The following CNTN5 variants were observed in gnomAD, a reference collection of about 807,000 sequenced individuals.
The protein encoded by CNTN5 is contactin-5.
A neutral mutation model predicts 129.1 loss-of-function variants in CNTN5; 77 were observed. The ratio of observed to expected loss-of-function variants is 0.60; its 90% CI spans 0.50 to 0.72. CNTN5 has a LOEUF of 0.72. Among genes scored for constraint, CNTN5 ranks in the 30% least tolerant of loss-of-function variants. The pLI, the probability that CNTN5 is intolerant of heterozygous loss-of-function variation, is 0.00. For missense variants in CNTN5, 1,478 were observed against 1,328.8 expected (o/e 1.11, Z -1.75); for synonymous variants, 509 against 465.6 (o/e 1.09, Z -1.20).
At chr11:99,585,068 C>G (rs965708917) in intron 3 of CNTN5, among the ~76,000 whole-genome samples, 2 of 152,200 alleles carry the variant, frequency 1.3e-5, no homozygotes, top group African/African-American at 2.4e-5. Context: ...TTGTGCAATT[C>G]AGTGGACACA....
At chr11:99,066,658 T>G (rs1228044162) in intron 1 of CNTN5, among the ~76,000 whole-genome samples, 3 of 152,128 alleles carry the variant, frequency 2.0e-5, no homozygotes, top group Admixed American at 2.0e-4. Flanking sequence ...AAGCCATGTA[T>G]GTAAAGTAAA....
At chr11:100,295,432 G>A (rs956563689) in intron 18 of CNTN5, among the ~76,000 whole-genome samples, 1 of 150,812 alleles carries the variant, frequency 6.6e-6, no homozygotes, top group Non-Finnish European at 1.5e-5. Context: ...TCCCCAAAAT[G>A]TTCACTTGTT....
intron 13 of CNTN5, among the ~76,000 whole-genome samples, chr11:100,162,097 C>T (rs1167884557): frequency 6.6e-6 from 1 of 151,770 alleles, no homozygotes; most frequent in Non-Finnish European, 1.5e-5. Flanking sequence ...GATCCAGACT[C>T]CTTGGACTCT....
At chr11:100,084,331 G>A (rs568031585) in intron 13 of CNTN5, among the ~76,000 whole-genome samples, 4 of 152,056 alleles carry the variant, frequency 2.6e-5, no homozygotes, top group African/African-American at 9.6e-5. Flanking sequence ...TAACTGATTC[G>A]ACTACCTCCC....
intron 13 of CNTN5, among the ~76,000 whole-genome samples, chr11:100,108,999 C>G (rs565988291): frequency 6.6e-6 from 1 of 152,140 alleles, no homozygotes; most frequent in Non-Finnish European, 1.5e-5. Flanking sequence ...TATAATGATA[C>G]TTCAACACCC....
intron 6 of CNTN5, among the ~76,000 whole-genome samples, chr11:99,895,791 A>G (rs1238730971): frequency 2.0e-5 from 3 of 152,192 alleles, no homozygotes; most frequent in Admixed American, 6.5e-5. Flanking sequence ...TCAAGCCCAC[A>G]TGGAACCAAC....
At chr11:100,155,014 C>T (rs970434224) in intron 13 of CNTN5, among the ~76,000 whole-genome samples, 6 of 152,068 alleles carry the variant, frequency 3.9e-5, no homozygotes, top group Non-Finnish European at 7.3e-5. Flanking sequence ...TGCAGAAACT[C>T]TTTAGTTTAA....
At chr11:99,110,752 T>A (rs1258537537) in intron 1 of CNTN5, among the ~76,000 whole-genome samples, 1 of 152,152 alleles carries the variant, frequency 6.6e-6, no homozygotes. Context: ...ACCATAAATG[T>A]TAATATCTCT....
At chr11:99,742,657 A>C (rs997113907) in intron 3 of CNTN5, among the ~76,000 whole-genome samples, 3 of 152,166 alleles carry the variant, frequency 2.0e-5, no homozygotes, top group African/African-American at 7.2e-5. Flanking sequence ...AAAGTATTAG[A>C]GACTTGTGCA....
intron 24 of CNTN5, among the ~76,000 whole-genome samples, chr11:100,353,395 T>C (rs1952457832): frequency 6.6e-6 from 1 of 151,616 alleles, no homozygotes. Context: ...TAGTCTAATG[T>C]TGCTCTTTCT....
chr11:99,185,382 T>G (rs547295432), intron 1 of CNTN5, among the ~76,000 whole-genome samples: 1 of 151,948 alleles, frequency 6.6e-6, no homozygotes, highest in Admixed American at 6.6e-5. Flanking sequence ...AAATGATAGG[T>G]TAAGAAGTAA....
At chr11:99,238,350 AG>A (rs1861381677) in intron 1 of CNTN5, among the ~76,000 whole-genome samples, 1 of 152,162 alleles carries the variant, frequency 6.6e-6, no homozygotes, top group Admixed American at 6.5e-5. Flanking sequence ...TTTAAATTAG[AG>A]AGAATCGATT....
intron 7 of CNTN5, among the ~76,000 whole-genome samples, chr11:99,946,432 G>T (rs946288828): frequency 6.6e-6 from 1 of 152,028 alleles, no homozygotes; most frequent in African/African-American, 2.4e-5. Flanking sequence ...CTGAGTGATC[G>T]ATACTCAACA....
At chr11:100,037,325 A>G (rs1942079065) in intron 9 of CNTN5, among the ~76,000 whole-genome samples, 1 of 151,596 alleles carries the variant, frequency 6.6e-6, no homozygotes, top group Admixed American at 6.6e-5. Flanking sequence ...AGCCCACTTG[A>G]TCTTGGTGGA....
At chr11:99,912,882 T>G (rs1443203) in intron 6 of CNTN5, among the ~76,000 whole-genome samples, 1 of 151,980 alleles carries the variant, frequency 6.6e-6, no homozygotes, top group Non-Finnish European at 1.5e-5. Context: ...AAGATATTTA[T>G]TTCAGTGTGT....
At chr11:99,961,200 G>A (rs570062472) in intron 8 of CNTN5, among the ~76,000 whole-genome samples, 4 of 53,068 alleles carry the variant, frequency 7.5e-5, no homozygotes, top group Non-Finnish European at 1.3e-4. Flanking sequence ...GTGAGACTCC[G>A]TCTCAGAAAA....
intron 1 of CNTN5, among the ~76,000 whole-genome samples, chr11:99,321,285 C>T (rs1005332364): frequency 1.3e-5 from 2 of 151,202 alleles, no homozygotes; most frequent in Admixed American, 6.6e-5. Flanking sequence ...GGTTCTGTTT[C>T]TCTGGAGAAC....
chr11:100,286,669 A>G (rs1371050520), intron 18 of CNTN5, among the ~76,000 whole-genome samples: 3 of 150,112 alleles, frequency 2.0e-5, no homozygotes, highest in Non-Finnish European at 2.9e-5. Flanking sequence ...AACACAACAG[A>G]AAAACTGGAA....
intron 9 of CNTN5, among the ~76,000 whole-genome samples, chr11:100,044,166 T>C (rs542838597): frequency 0.027 from 1,232 of 45,858 alleles, 13 homozygotes; most frequent in African/African-American, 0.11. Flanking sequence ...ATATTACATA[T>C]CATGTATATA....
Sources: allele counts gnomAD v4.1 joint callset (sites outside exome capture counted in the v4.1 genomes callset), GRCh38; gene constraint gnomAD v4.1.1; transcripts MANE v1.5; gene names NCBI Gene and HGNC (gene_info 2026-07-23, HGNC 2026-07-21).